HERC1: variants seen among roughly 807,000 people sequenced by gnomAD.
The protein encoded by HERC1 is HECT and RLD domain containing E3 ubiquitin protein ligase family member 1.
A neutral mutation model predicts 554.3 loss-of-function variants in HERC1; 160 were observed. The observed-to-expected ratio is 0.29, with a 90% CI of 0.25 to 0.33. The LOEUF (loss-of-function observed/expected upper bound fraction) is 0.33, where lower values mean the gene tolerates loss of function less well. HERC1 is among the 10% of genes least tolerant of loss of function. The pLI is 1.00. For missense variants in HERC1, 4,919 were observed against 5,918.5 expected (o/e 0.83, Z 5.54); for synonymous variants, 2,175 against 2,131.7 (o/e 1.02, Z -0.56).
chr15:63,766,365 A>G (rs1364428454), intron 2 of HERC1, among the ~76,000 whole-genome samples: 1 of 152,092 alleles, frequency 6.6e-6, no homozygotes, highest in African/African-American at 2.4e-5. Flanking sequence ...AGGTGGGCAG[A>G]TCACTTGAGG....
intron 1 of HERC1, among the ~76,000 whole-genome samples, chr15:63,823,500 A>C (rs1015786939): frequency 2.6e-5 from 4 of 152,214 alleles, no homozygotes; most frequent in Non-Finnish European, 5.9e-5. Flanking sequence ...GGTAGAAGGA[A>C]GAAGGAGCTG....
intron 1 of HERC1, among the ~76,000 whole-genome samples, chr15:63,805,960 A>C (rs1027970929): frequency 1.4e-5 from 2 of 142,088 alleles, no homozygotes; most frequent in Non-Finnish European, 3.1e-5. Flanking sequence ...AAAAAAAAAA[A>C]CAAACAAAAC....
In HERC1 at chr15:63,643,412, A is replaced by C; in HGVS notation, c.11323T>G (p.Ser3775Ala). ...GGLGGLMNIW[S>A]LRDGSVLQTV... ...AAAATCTATGCTCTTACCCTTAAAG[A>C]CCAAATGTTCATGAGCCCACCTAGT... The change falls in exon 58 of 78, where the codon TCT becomes GCT. Residue 3775 changes from serine to alanine, a missense_variant. Around this residue, in one of 11 missense-constraint regions of HERC1, gnomAD observed 1,963 missense variants for 2,228.6 expected, o/e 0.88. Coordinates refer to ENST00000443617, the MANE Select transcript of HERC1 (RefSeq NM_003922.4). 1 of 1,612,706 alleles carries C rather than the reference A, an allele frequency of 6.2e-7. No individual in the cohort carries two copies. Among genetic ancestry groups the C allele is most frequent in the Non-Finnish European group, 8.5e-7 (1 of 1,179,366 alleles).
At chr15:63,716,191 A>G in intron 22 of HERC1, 111 bp downstream of exon 22, 1 of 946,170 alleles carries the variant, frequency 1.1e-6, no homozygotes, top group Non-Finnish European at 1.6e-6. Flanking sequence ...GCAGAATATA[A>G]AGTCCTTTTA....
intron 39 of HERC1, among the ~76,000 whole-genome samples, chr15:63,671,529 C>G (rs2070923207): frequency 6.6e-6 from 1 of 152,144 alleles, no homozygotes; most frequent in African/African-American, 2.4e-5. Context: ...TAGGATTGTA[C>G]TCCTGCACAA....
intron 34 of HERC1, among the ~76,000 whole-genome samples, chr15:63,682,118 A>G (rs1003092161): frequency 6.6e-6 from 1 of 152,050 alleles, no homozygotes; most frequent in East Asian, 1.9e-4. Flanking sequence ...AAAGAAAGAG[A>G]CGAAAGGAAA....
In HERC1 at chr15:63,658,734, C is replaced by A; in HGVS notation, c.9425-16G>T. 1 of 1,594,366 alleles carries A rather than the reference C, an allele frequency of 6.3e-7. No individual in the cohort carries two copies. Among genetic ancestry groups the A allele is most frequent in the Non-Finnish European group, 8.6e-7 (1 of 1,166,596 alleles). ...CCATGGCAACCTGAAAAACATAATTCTGTTTTGTTCTCAACAAGGTAAGAA... is the reference window on the plus strand; with the variant it reads ...CCATGGCAACCTGAAAAACATAATTATGTTTTGTTCTCAACAAGGTAAGAA... On this transcript the variant is annotated splice_polypyrimidine_tract_variant and intron_variant, in intron 47 of 77. Coordinates refer to ENST00000443617, the MANE Select transcript of HERC1 (RefSeq NM_003922.4).
chr15:63,712,757 G>A lies in HERC1; in HGVS notation c.4584+18C>T, dbSNP rs1374920119. On this transcript the variant is annotated intron_variant, in intron 24 of 77. Coordinates refer to ENST00000443617, the MANE Select transcript of HERC1 (RefSeq NM_003922.4). ...TTGAAAACAAAAATCTTTCTTTACT[G>A]AATCTGGGTATACCTACCAGTGCGT... The A allele has an allele frequency of 6.2e-7, 1 of 1,606,982 alleles. No individual in the cohort carries two copies. The highest frequency in any genetic ancestry group is 8.5e-7 in the Non-Finnish European group (1 of 1,177,002).
intron 25 of HERC1, among the ~76,000 whole-genome samples, chr15:63,701,056 T>C (rs1295370439): frequency 6.6e-6 from 1 of 151,968 alleles, no homozygotes; most frequent in Non-Finnish European, 1.5e-5. Flanking sequence ...ATTAAAATTT[T>C]AGAATAAAAG....
chr15:63,625,869 G>A (rs2152776310), intron 71 of HERC1, 116 bp downstream of exon 71: 1 of 1,013,708 alleles, frequency 9.9e-7, no homozygotes, highest in East Asian at 2.6e-5. Flanking sequence ...TATCTTATTA[G>A]CCATGAAAGA....
chr15:63,731,188 T>C (rs1216890978), intron 14 of HERC1, among the ~76,000 whole-genome samples: 4 of 152,192 alleles, frequency 2.6e-5, no homozygotes, highest in African/African-American at 4.8e-5. Flanking sequence ...TTCTGTTATT[T>C]CCAACTTTTT....
chr15:63,690,449 C>T lies in HERC1; in HGVS notation c.5937+92G>A, dbSNP rs1042551288. On this transcript the variant is annotated intron_variant, in intron 32 of 77. Transcript: ENST00000443617. Reference sequence around the variant, plus strand: ...ACGTTATGCTATTGAATAAAAGACACATTTACAACTGAAGAGACTGTTAAG... The same window carrying T: ...ACGTTATGCTATTGAATAAAAGACATATTTACAACTGAAGAGACTGTTAAG... The T allele has an allele frequency of 3.4e-5, 26 of 759,640 alleles. No homozygotes were observed. The African/African-American group carries it at 4.4e-4, about 13-fold the overall frequency. 47.1% of individuals were successfully genotyped at this position (759,640 alleles called of 1,614,324 possible). A position where few individuals can be genotyped will look rare whatever the true frequency, so the allele number is the denominator to read the frequency against.
chr15:63,776,664 G>A (rs572529210), intron 1 of HERC1, among the ~76,000 whole-genome samples: 60 of 152,198 alleles, frequency 3.9e-4, no homozygotes, highest in African/African-American at 1.2e-3. Flanking sequence ...CACAGGTTGC[G>A]CATTTGTTAA....
In HERC1 at chr15:63,713,496, A is replaced by C. The variant is rs199602197; in HGVS notation, c.4320T>G (p.Ala1440=). 1.9e-5 allele frequency: 31 copies of C among 1,614,032 alleles called. No homozygotes were observed. The African/African-American group carries it at 2.3e-4, about 12-fold the overall frequency. The change falls in exon 23 of 78, where the codon GCT becomes GCG. Residue 1440 remains alanine, a synonymous_variant. Coordinates refer to ENST00000443617, the MANE Select transcript of HERC1 (RefSeq NM_003922.4). ...ACCGATGGATCACGGAGTTGCATGC[A>C]GCAGTGTACACATCCTGACCCTCAG... ...DLPEGQDVYT[A]ACNSVIHRCA...
At chr15:63,665,064 T>C (rs1298873113) in intron 42 of HERC1, among the ~76,000 whole-genome samples, 1 of 152,088 alleles carries the variant, frequency 6.6e-6, no homozygotes, top group Non-Finnish European at 1.5e-5. Context: ...TTTAAAGTCA[T>C]AAGAAGTGAT....
chr15:63,775,382 G>T lies in HERC1; in HGVS notation c.242C>A (p.Ala81Asp), dbSNP rs527469204. Residue 81 changes from alanine (A) to aspartate (D), a missense_variant, in exon 2 of 78, where the codon GCC becomes GAC. Around this residue, in one of 11 missense-constraint regions of HERC1, gnomAD observed 110 missense variants for 99.3 expected, o/e 1.11. Transcript: ENST00000443617. The surrounding 1 kb of genome is among the most constrained non-coding windows in gnomAD (Gnocchi z 4.0). ...CAATGCTAGCTGGCTGCTAAGAAGGGCATCCAAATAGTGGTCCTGCTCATC... is the reference window on the plus strand; with the variant it reads ...CAATGCTAGCTGGCTGCTAAGAAGGTCATCCAAATAGTGGTCCTGCTCATC... The part of the protein sequence containing the change: ...SSDEQDHYLD[A>D]LLSSQLALAK... 1.3e-5 allele frequency: 21 copies of T among 1,613,948 alleles called. No homozygotes were observed. In the African/African-American group the frequency reaches 2.4e-4, roughly 18 times the overall value.
intron 1 of HERC1, among the ~76,000 whole-genome samples, chr15:63,794,389 C>T (rs2076747280): frequency 1.3e-5 from 2 of 152,174 alleles, no homozygotes; most frequent in South Asian, 4.1e-4. Flanking sequence ...AGCTTCATTA[C>T]TAGCTATTAC....
chr15:63,764,223 G>A (rs551425230), intron 2 of HERC1, 32 bp from the exon 3 acceptor site: 9 of 1,456,676 alleles, frequency 6.2e-6, no homozygotes, highest in African/African-American at 4.2e-5. Context: ...ACACAGCGTA[G>A]GAAGGGGAGA....
chr15:63,756,027 A>G lies in HERC1; in HGVS notation c.1533+410T>C, dbSNP rs1395586522. Among the ~76,000 whole-genome samples the G allele has an allele frequency of 7.2e-5, 11 of 152,138 alleles. No homozygotes were observed. The stretch of plus-strand genomic sequence containing the variant: ...CCTTTATTGCTCATTTTTTTCTTTA[A>G]TATTATCTGAAATTATTCTATATGC... On this transcript the variant is annotated intron_variant, in intron 5 of 77. Coordinates refer to ENST00000443617, the MANE Select transcript of HERC1 (RefSeq NM_003922.4). This position sits in a 1 kb window ranked among gnomAD's most constrained non-coding sequence, Gnocchi z 5.0.
Sources: gnomAD v4.1 joint callset for allele counts (sites outside exome capture counted in the v4.1 genomes callset) on GRCh38, gnomAD v4.1.1 for gene constraint, gnomAD v4.1.1 regional missense constraint, Gnocchi (gnomAD v3.1) non-coding constraint, MANE v1.5 for transcripts, NCBI Gene and HGNC (gene_info 2026-07-23, HGNC 2026-07-21) for gene names.